ERI1: variants seen among roughly 807,000 people sequenced by gnomAD.
The protein encoded by ERI1 is exoribonuclease 1, also known as 3'-5' exoribonuclease 1.
ERI1 carries 39 observed loss-of-function variants against 39.7 expected under a neutral mutation model. The observed-to-expected ratio is 0.98, with a 90% confidence interval of 0.76 to 1.28. The LOEUF is 1.28. Ranked by LOEUF, ERI1 falls within the 50% of genes most tolerant of loss-of-function variation. The pLI is 0.00. For missense variants in ERI1, 581 were observed against 416.9 expected (o/e 1.39, Z -3.43); for synonymous variants, 204 against 149.6 (o/e 1.36, Z -2.65).
intron 3 of ERI1, among the ~76,000 whole-genome samples, chr8:9,095,785 T>C (rs1049887244): frequency 6.6e-6 from 1 of 152,136 alleles, no homozygotes; most frequent in Non-Finnish European, 1.5e-5. Context: ...AATCCCAAAC[T>C]GTTAGGATTA....
intron 3 of ERI1, among the ~76,000 whole-genome samples, chr8:9,043,385 A>G (rs897380557): frequency 3.9e-5 from 6 of 152,190 alleles, no homozygotes; most frequent in Non-Finnish European, 8.8e-5. Flanking sequence ...CCTGGACCCC[A>G]TCATTCTGTC....
At chr8:9,018,182 A>T in intron 4 of ERI1, 115 bp from the exon 5 acceptor site, 1 of 529,944 alleles carries the variant, frequency 1.9e-6, no homozygotes, top group Non-Finnish European at 3.4e-6. Flanking sequence ...CCATGAATTT[A>T]AAGTATCAGC....
intron 2 of ERI1, among the ~76,000 whole-genome samples, chr8:9,011,106 G>A (rs987728243): frequency 3.3e-5 from 5 of 151,966 alleles, no homozygotes; most frequent in East Asian, 1.9e-4. Flanking sequence ...GAGATAATAC[G>A]ATATTTTCAA....
At chr8:9,040,256 A>G (rs764685288) in intron 3 of ERI1, among the ~76,000 whole-genome samples, 4 of 152,174 alleles carry the variant, frequency 2.6e-5, no homozygotes, top group Non-Finnish European at 5.9e-5. Context: ...TTTACCACAT[A>G]TTCACATTTT....
chr8:9,070,487 C>G (rs1799013941), intron 3 of ERI1, among the ~76,000 whole-genome samples: 1 of 151,946 alleles, frequency 6.6e-6, no homozygotes, highest in East Asian at 1.9e-4. Flanking sequence ...GACCTTGTCT[C>G]AAGAAAAACA....
intron 3 of ERI1, among the ~76,000 whole-genome samples, chr8:9,072,069 C>T (rs1039353580): frequency 3.9e-5 from 6 of 152,064 alleles, no homozygotes; most frequent in East Asian, 1.9e-4. Flanking sequence ...CTGTCACACA[C>T]GTACACACAC....
In ERI1 at chr8:9,031,057, A is replaced by G. The variant is rs914277119; in HGVS notation, c.*1023A>G. 13 of 152,320 alleles carry G rather than the reference A, an allele frequency of 8.5e-5. No homozygotes were observed. The highest frequency in any genetic ancestry group is 2.4e-4 in the African/African-American group (10 of 41,580). The allele number at this position is 152,320 out of a possible 1,614,324, so 9.4% of individuals were successfully genotyped here. A position where few individuals can be genotyped will look rare whatever the true frequency, so the allele number is the denominator to read the frequency against. ...AAACTAAAATGTGCATTTCGACTTG[A>G]TAAGGTAAAACTCTTATCTAGAGGC... On this transcript the variant is annotated 3_prime_UTR_variant, in exon 7 of 7. Transcript: ENST00000250263.
At chr8:9,014,774 G>A (rs1360658681) in intron 3 of ERI1, among the ~76,000 whole-genome samples, 1 of 152,146 alleles carries the variant, frequency 6.6e-6, no homozygotes, top group African/African-American at 2.4e-5. Flanking sequence ...GCAGTTAAGT[G>A]GAATGTTGCA....
chr8:9,091,732 T>C (rs906561871), intron 3 of ERI1, among the ~76,000 whole-genome samples: 1 of 152,176 alleles, frequency 6.6e-6, no homozygotes, highest in Non-Finnish European at 1.5e-5. Flanking sequence ...GGTTAGCATA[T>C]GACAGCACTT....
intron 3 of ERI1, among the ~76,000 whole-genome samples, chr8:9,014,600 T>C (rs551785900): frequency 1.3e-5 from 2 of 152,378 alleles, no homozygotes; most frequent in South Asian, 4.1e-4. Context: ...AGCATTCTTC[T>C]GTTAAAAGTA....
At chr8:9,025,123 A>C (rs942220358) in intron 6 of ERI1, among the ~76,000 whole-genome samples, 1 of 152,198 alleles carries the variant, frequency 6.6e-6, no homozygotes, top group Non-Finnish European at 1.5e-5. Context: ...TCAGATTCTC[A>C]GGCTGAGCAG....
At chr8:9,033,582 C>CTTG (rs1797736072), downstream of ERI1, among the ~76,000 whole-genome samples, 1 of 146,080 alleles carries the variant, frequency 6.8e-6, no homozygotes, top group Non-Finnish European at 1.5e-5. Flanking sequence ...TACAATGATA[C>CTTG]TTGCATCAGA....
chr8:9,077,375 C>T (rs954546542), intron 3 of ERI1, among the ~76,000 whole-genome samples: 1 of 152,050 alleles, frequency 6.6e-6, no homozygotes, highest in African/African-American at 2.4e-5. Context: ...AATTTGAGTC[C>T]CTGGAAGAAA....
chr8:9,005,543 C>A, intron 1 of ERI1, among the ~76,000 whole-genome samples: 2 of 139,242 alleles, frequency 1.4e-5, no homozygotes. Context: ...GAGAGGGAGT[C>A]TCTCTCTGTT....
chr8:9,073,663 C>T (rs1038297528), intron 3 of ERI1, among the ~76,000 whole-genome samples: 3 of 152,132 alleles, frequency 2.0e-5, no homozygotes, highest in African/African-American at 7.2e-5. Flanking sequence ...TTATATTCTT[C>T]TGGTATGAAA....
intron 6 of ERI1, among the ~76,000 whole-genome samples, chr8:9,021,900 TTGGC>T (rs1817948702): frequency 1.3e-5 from 2 of 152,004 alleles, no homozygotes; most frequent in South Asian, 4.2e-4. Context: ...CTGTTCTACT[TTGGC>T]TGGCCATTTG....
intron 1 of ERI1, among the ~76,000 whole-genome samples, chr8:9,004,485 C>CTTTTTTTTTTTTTTTTTT (rs71201904): frequency 1.3e-5 from 1 of 78,328 alleles, no homozygotes; most frequent in African/African-American, 5.0e-5. Context: ...TATAGTGATA[C>CTTTTTTTTTTTTTTTTTT]TTTTTTTTTT....
At chr8:9,003,932 C>G in intron 1 of ERI1, 1 of 472,548 alleles carries the variant, frequency 2.1e-6, no homozygotes, top group South Asian at 1.7e-5. Flanking sequence ...CAGTTTCCAT[C>G]TGGCAGCTAG....
chr8:9,070,222 G>A (rs932866826), intron 3 of ERI1, among the ~76,000 whole-genome samples: 4 of 151,684 alleles, frequency 2.6e-5, no homozygotes, highest in African/African-American at 9.7e-5. Flanking sequence ...CTGGGTGAGA[G>A]TGAGACGCTG....
Sources: allele counts gnomAD v4.1 joint callset (sites outside exome capture counted in the v4.1 genomes callset), GRCh38; gene constraint gnomAD v4.1.1; transcripts MANE v1.5; gene names NCBI Gene and HGNC (gene_info 2026-07-23, HGNC 2026-07-21).